Variants in TMX4 observed in about 807,000 individuals in gnomAD.
TMX4 encodes the protein thioredoxin related transmembrane protein 4.
TMX4 carries 23 observed loss-of-function variants against 33.3 expected under a neutral mutation model. That is an observed-to-expected ratio of 0.69 (90% confidence interval 0.50 to 0.98). TMX4 has a LOEUF of 0.98. TMX4 is among the 50% of genes least tolerant of loss of function. TMX4 has a pLI of 0.00. For missense variants in TMX4, 399 were observed against 448.9 expected (o/e 0.89, Z 1.01); for synonymous variants, 164 against 161.5 (o/e 1.02, Z -0.12).
chr20:7,987,193 A>AT (rs1243421467), intron 6 of TMX4, 95 bp downstream of exon 6: 4 of 897,636 alleles, frequency 4.5e-6, no homozygotes, highest in Middle Eastern at 2.3e-4. Flanking sequence ...ACAAAATACT[A>AT]TTTTTTATGT....
chr20:7,983,990 G>C, intron 6 of TMX4, 133 bp from the exon 7 acceptor site: 1 of 612,304 alleles, frequency 1.6e-6, no homozygotes, highest in East Asian at 2.8e-5. Flanking sequence ...GTCTTCACAA[G>C]AGACAAGGAT....
intron 1 of TMX4, among the ~76,000 whole-genome samples, chr20:8,018,529 T>TCTCAGCAATCATATTCC (rs142450172): frequency 2.5e-5 from 1 of 40,228 alleles, no homozygotes; most frequent in African/African-American, 1.0e-4. Flanking sequence ...AGAGAGAGAG[T>TCTCAGCAATCATATTCC]CTGCAAGCCC....
intron 2 of TMX4, among the ~76,000 whole-genome samples, chr20:8,007,330 T>C (rs2122874500): frequency 6.6e-6 from 1 of 152,250 alleles, no homozygotes; most frequent in South Asian, 2.1e-4. Flanking sequence ...AATCCTAGTA[T>C]CTCAAGAATC....
intron 6 of TMX4, 31 bp from the exon 7 acceptor site, chr20:7,983,888 T>C (rs1236383999): frequency 1.9e-6 from 3 of 1,567,848 alleles, no homozygotes; most frequent in African/African-American, 2.7e-5. Flanking sequence ...TTACAGTGAA[T>C]AGATAGGACA....
chr20:7,993,064 C>G (rs553022312), intron 5 of TMX4, among the ~76,000 whole-genome samples: 1 of 152,336 alleles, frequency 6.6e-6, no homozygotes, highest in African/African-American at 2.4e-5. Context: ...ATCTAACCAG[C>G]TACCCATCCA....
chr20:7,991,485 A>C (rs1181171153), intron 5 of TMX4, among the ~76,000 whole-genome samples: 5 of 152,144 alleles, frequency 3.3e-5, no homozygotes, highest in Admixed American at 2.0e-4. Context: ...CAAAAATCGG[A>C]AATTCAAAAT....
Position 7,980,904 on chromosome 20 carries a change from A to T in TMX4, c.*1347T>A, listed in dbSNP as rs753781612. 9.9e-5 allele frequency: 15 copies of T among 152,232 alleles called. No individual in the cohort carries two copies. The highest frequency in any genetic ancestry group is 1.9e-4 in the Non-Finnish European group (13 of 68,046). The allele number at this position is 152,232 out of a possible 1,614,324, so 9.4% of individuals were successfully genotyped here. ...ACGTTCCTTTTTAAAGACGACAGAA[A>T]CTTTTAGAATTTCATAAACCTGTAC... On this transcript the variant is annotated 3_prime_UTR_variant, in exon 8 of 8. Transcript: ENST00000246024.
intron 1 of TMX4, among the ~76,000 whole-genome samples, chr20:8,015,276 G>A (rs959797073): frequency 1.3e-5 from 2 of 152,160 alleles, no homozygotes; most frequent in African/African-American, 4.8e-5. Context: ...TAGAGCAGTG[G>A]TTTTCAATTA....
intron 6 of TMX4, among the ~76,000 whole-genome samples, chr20:7,985,305 G>T (rs2050626778): frequency 7.0e-6 from 1 of 142,110 alleles, no homozygotes; most frequent in African/African-American, 2.7e-5. Context: ...ACAGGGTCTA[G>T]CTCTGTCACC....
chr20:7,993,593 T>A (rs907440034), intron 5 of TMX4, among the ~76,000 whole-genome samples: 1 of 152,056 alleles, frequency 6.6e-6, no homozygotes, highest in African/African-American at 2.4e-5. Flanking sequence ...TCAGAGATGG[T>A]GTGCCTTATA....
At chr20:8,014,012 A>G (rs1048648354) in intron 1 of TMX4, 1 of 152,262 alleles carries the variant, frequency 6.6e-6, no homozygotes, top group African/African-American at 2.4e-5. Flanking sequence ...CAAAGTGTCA[A>G]CAAAAGATGC....
chr20:8,019,151 A>G (rs1417955990), intron 1 of TMX4: 5 of 471,616 alleles, frequency 1.1e-5, no homozygotes, highest in Non-Finnish European at 1.9e-5. Flanking sequence ...GACGCGCTGC[A>G]CCCTCGGCTG....
At chr20:7,986,784 T>C (rs1012658023) in intron 6 of TMX4, among the ~76,000 whole-genome samples, 4 of 152,152 alleles carry the variant, frequency 2.6e-5, no homozygotes, top group Admixed American at 6.5e-5. Flanking sequence ...CAAAGAATAA[T>C]TGTGTTGTGT....
chr20:7,996,115 T>TA (rs541214397), intron 4 of TMX4, 44 bp from the exon 5 acceptor site: 11,557 of 1,314,196 alleles, frequency 8.8e-3, no homozygotes, highest in South Asian at 9.9e-3. Context: ...ATATATACTA[T>TA]AAAAAAAAAA....
At chr20:8,016,118 G>A (rs1295179653) in intron 1 of TMX4, among the ~76,000 whole-genome samples, 1 of 152,204 alleles carries the variant, frequency 6.6e-6, no homozygotes, top group East Asian at 1.9e-4. Flanking sequence ...CAAAGGAACT[G>A]AATGAAGAAT....
At chr20:8,018,159 T>C (rs1424414279) in intron 1 of TMX4, among the ~76,000 whole-genome samples, 2 of 149,734 alleles carry the variant, frequency 1.3e-5, no homozygotes, top group Non-Finnish European at 3.0e-5. Flanking sequence ...CAATTTTCTG[T>C]CTGTGTCCTC....
At chr20:8,003,710 T>C (rs1314947254) in intron 2 of TMX4, among the ~76,000 whole-genome samples, 1 of 152,178 alleles carries the variant, frequency 6.6e-6, no homozygotes, top group African/African-American at 2.4e-5. Flanking sequence ...TTTCTGGTTC[T>C]GGCTAAAAGG....
intron 2 of TMX4, among the ~76,000 whole-genome samples, chr20:8,009,958 T>C (rs1017772012): frequency 1.3e-5 from 2 of 150,622 alleles, no homozygotes; most frequent in Non-Finnish European, 3.0e-5. Flanking sequence ...GTCGATAACT[T>C]ACTTTCAAAT....
chr20:8,017,160 C>T (rs966812914), intron 1 of TMX4, among the ~76,000 whole-genome samples: 1 of 151,954 alleles, frequency 6.6e-6, no homozygotes, highest in Admixed American at 6.6e-5. Context: ...AAATAGATCA[C>T]AAATAGATAA....
Sources: gnomAD v4.1 joint callset for allele counts (sites outside exome capture counted in the v4.1 genomes callset) on GRCh38, gnomAD v4.1.1 for gene constraint, MANE v1.5 for transcripts, NCBI Gene and HGNC (gene_info 2026-07-23, HGNC 2026-07-21) for gene names.